Variants in SLAIN2 observed in about 807,000 individuals in gnomAD.
SLAIN2 encodes the protein SLAIN family member 2.
SLAIN2 carries 31 observed loss-of-function variants against 56.6 expected under a neutral mutation model. That is an observed-to-expected ratio of 0.55 (90% CI 0.41 to 0.74). The LOEUF is 0.74. Ranked by LOEUF, SLAIN2 falls within the 30% of genes least tolerant of loss-of-function variation. The pLI is 0.00. For missense variants in SLAIN2, 777 were observed against 754.2 expected, an observed-to-expected ratio of 1.03 and a Z score of -0.35; for synonymous variants, 317 against 284.9, an observed-to-expected ratio of 1.11 and a Z score of -1.13.
chr4:48,374,050 A>G (rs141741314), intron 2 of SLAIN2, among the ~76,000 whole-genome samples: 28 of 152,204 alleles, frequency 1.8e-4, no homozygotes, highest in Non-Finnish European at 3.5e-4. Context: ...GAAAAAGGAG[A>G]TGGAGTAGAG....
chr4:48,416,975 C>T (rs1367588842), intron 6 of SLAIN2, among the ~76,000 whole-genome samples: 4 of 75,652 alleles, frequency 5.3e-5, no homozygotes, highest in African/African-American at 2.1e-4. Flanking sequence ...CATTCAAAAG[C>T]TAGCAGAAGG....
intron 3 of SLAIN2, among the ~76,000 whole-genome samples, chr4:48,379,324 A>G (rs1001148477): frequency 7.2e-5 from 11 of 152,190 alleles, no homozygotes; most frequent in Non-Finnish European, 1.6e-4. Flanking sequence ...AAAACACTAC[A>G]TCATAAACTC....
chr4:48,366,807 A>G (rs1715534066), intron 1 of SLAIN2, among the ~76,000 whole-genome samples: 1 of 147,412 alleles, frequency 6.8e-6, no homozygotes, highest in Non-Finnish European at 1.5e-5. Flanking sequence ...TAATAGGATA[A>G]TGAAGTAATG....
In SLAIN2 at chr4:48,342,135, G is replaced by T. The variant is rs1172619224; in HGVS notation, c.389+7G>T. 72 of 1,347,690 alleles carry T rather than the reference G, an allele frequency of 5.3e-5. No individual in the cohort carries two copies. Among genetic ancestry groups the T allele is most frequent in the Non-Finnish European group, 6.5e-5 (69 of 1,055,610 alleles). 83.5% of individuals were successfully genotyped at this position (1,347,690 alleles called of 1,614,324 possible). On this transcript the variant is annotated splice_region_variant and intron_variant, in intron 1 of 7. Transcript: ENST00000264313. The stretch of plus-strand genomic sequence containing the variant: ...AGGAGGAGGAGGAGAGCTGGTGAGC[G>T]CGAGGCGCCGGGCAGGAGCTGGGCG...
In SLAIN2 at chr4:48,389,596, C is replaced by T. The variant is rs116508061; in HGVS notation, c.1360+5812C>T. 5.7e-3 allele frequency among the ~76,000 whole-genome samples: 864 copies of T among 152,306 alleles called. 5 individuals are homozygous for T. The highest frequency in any genetic ancestry group is 7.8e-3 in the Non-Finnish European group (529 of 68,034). Reference sequence around the variant, plus strand: ...AAATTCAGCAGTGTGAAGGGATTTTCAGGAAAGATATTAAAAGATATCTCA... The same window carrying T: ...AAATTCAGCAGTGTGAAGGGATTTTTAGGAAAGATATTAAAAGATATCTCA... On this transcript the variant is annotated intron_variant, in intron 6 of 7. Coordinates refer to ENST00000264313, the MANE Select transcript of SLAIN2 (RefSeq NM_020846.2).
rs1055564892 is a variant in SLAIN2 at position 48,422,474 on chromosome 4, A to G, written c.*397A>G. 1 of 174,664 alleles carries G rather than the reference A, an allele frequency of 5.7e-6. No individual in the cohort carries two copies. The highest frequency in any genetic ancestry group is 2.4e-5 in the African/African-American group (1 of 41,896). 10.8% of individuals were successfully genotyped at this position (174,664 alleles called of 1,614,324 possible). ...GAATTCAGGCTATCCAAAACTTCACATTCAACCTAATTTACTGTATAAATA... is the reference window on the plus strand; with the variant it reads ...GAATTCAGGCTATCCAAAACTTCACGTTCAACCTAATTTACTGTATAAATA... On this transcript the variant is annotated 3_prime_UTR_variant, in exon 8 of 8. Transcript: ENST00000264313.
At chr4:48,359,174 G>C (rs902688692) in intron 1 of SLAIN2, among the ~76,000 whole-genome samples, 1 of 152,004 alleles carries the variant, frequency 6.6e-6, no homozygotes, top group Non-Finnish European at 1.5e-5. Flanking sequence ...TGTGAATTCA[G>C]ATCCAAATAT....
At chr4:48,371,023 T>A (rs1224516895) in intron 2 of SLAIN2, among the ~76,000 whole-genome samples, 1 of 152,196 alleles carries the variant, frequency 6.6e-6, no homozygotes, top group Non-Finnish European at 1.5e-5. Flanking sequence ...ACAGAGGTTC[T>A]GAATCTGGGT....
intron 6 of SLAIN2, among the ~76,000 whole-genome samples, chr4:48,411,036 C>A (rs147226529): frequency 6.6e-6 from 1 of 152,188 alleles, no homozygotes; most frequent in Non-Finnish European, 1.5e-5. Flanking sequence ...GACCCCTGAC[C>A]GTGAATACTT....
At position 48,365,075 on chromosome 4, in the gene SLAIN2, A is replaced by G. The variant is rs114694224; in HGVS notation, c.390-4774A>G. 3.8e-3 allele frequency among the ~76,000 whole-genome samples: 575 copies of G among 152,108 alleles called. 5 individuals carry two copies. Among genetic ancestry groups the G allele is most frequent in the African/African-American group, 0.013 (533 of 41,474 alleles). On this transcript the variant is annotated intron_variant, in intron 1 of 7. Coordinates refer to ENST00000264313, the MANE Select transcript of SLAIN2 (RefSeq NM_020846.2). ...ATTCGCTTATATTCCTTTTAATCAC[A>G]GTAGTGTTTGTGGTGATGTCCTCTC...
rs761177087 is a variant in SLAIN2 at position 48,370,017 on chromosome 4, T to A, written c.538+20T>A. 1 of 1,607,404 alleles carries A rather than the reference T, an allele frequency of 6.2e-7. No homozygotes were observed. The highest frequency in any genetic ancestry group is 2.2e-5 in the East Asian group (1 of 44,770). On this transcript the variant is annotated intron_variant, in intron 2 of 7. Transcript: ENST00000264313. ...TGTCAGGTATGTCTATAATTTTGCT[T>A]GTAAATTCATCTCTTTGCTTTCTTT... is the stretch of plus-strand genomic sequence containing the variant.
chr4:48,418,953 A>G (rs750346417), intron 6 of SLAIN2, among the ~76,000 whole-genome samples: 6 of 151,886 alleles, frequency 4.0e-5, no homozygotes, highest in East Asian at 1.9e-4. Context: ...TCAGTAGTTT[A>G]CTCCTTTTTA....
At chr4:48,421,247 T>A (rs1237764159) in intron 7 of SLAIN2, among the ~76,000 whole-genome samples, 1 of 152,164 alleles carries the variant, frequency 6.6e-6, no homozygotes, top group Non-Finnish European at 1.5e-5. Context: ...GTTCAAGTGA[T>A]CTGCTTGCCT....
intron 1 of SLAIN2, among the ~76,000 whole-genome samples, chr4:48,345,627 G>C (rs1370201167): frequency 2.0e-5 from 3 of 151,010 alleles, no homozygotes; most frequent in Non-Finnish European, 4.4e-5. Flanking sequence ...TCCTAACCTA[G>C]TTTTTGTGTA....
At chr4:48,368,424 A>T (rs79753664) in intron 1 of SLAIN2, among the ~76,000 whole-genome samples, 1 of 152,326 alleles carries the variant, frequency 6.6e-6, no homozygotes, top group African/African-American at 2.4e-5. Flanking sequence ...TATGTAGTAC[A>T]TGTGAGCCAT....
rs748524671 is a variant in SLAIN2, at chr4:48,382,693, A to C, written c.988A>C (p.Asn330His). The C allele has an allele frequency of 1.2e-6, 2 of 1,613,916 alleles. No homozygotes were observed. The highest frequency in any genetic ancestry group is 3.3e-5 in the Admixed American group (2 of 60,000). ...ACAAAGTTTAGATGATGAAGATGACAATATGCATCATGCAGTATACCCTGC... is the reference window on the plus strand; with the variant it reads ...ACAAAGTTTAGATGATGAAGATGACCATATGCATCATGCAGTATACCCTGC... ...DAQSLDDEDD[N>H]MHHAVYPAVN... is the part of the protein sequence containing the mutation. The change falls in exon 5 of 8, where the codon AAT becomes CAT. Residue 330 changes from asparagine to histidine, a missense_variant. Asn to His is a moderately conservative substitution (Grantham distance 68, BLOSUM62 1). Coordinates refer to ENST00000264313, the MANE Select transcript of SLAIN2 (RefSeq NM_020846.2).
At chr4:48,374,851 C>T (rs951942445) in intron 2 of SLAIN2, among the ~76,000 whole-genome samples, 2 of 152,066 alleles carry the variant, frequency 1.3e-5, no homozygotes, top group Non-Finnish European at 2.9e-5. Flanking sequence ...CCAGCTTCTG[C>T]GACAAGATGA....
rs111772195 is a variant in SLAIN2, at chr4:48,397,362, T to C, written c.1360+13578T>C. Among the ~76,000 whole-genome samples, 816 of 152,202 alleles carry C rather than the reference T, an allele frequency of 5.4e-3. 10 individuals are homozygous for C. The highest frequency in any genetic ancestry group is 0.019 in the African/African-American group (769 of 41,542). The stretch of plus-strand genomic sequence containing the variant: ...CTGTATTTAGAAGGAAAGAGGCAAC[T>C]AAGAAGGAAATACAGAAGGAAAGAG... On this transcript the variant is annotated intron_variant, in intron 6 of 7. Transcript: ENST00000264313.
In SLAIN2 at chr4:48,341,712, C is replaced by CGGA. The variant is rs1560446485; in HGVS notation, c.-25_-23dup. 3.7e-5 allele frequency: 56 copies of CGGA among 1,521,568 alleles called. No individual in the cohort carries two copies. The highest frequency in any genetic ancestry group is 4.4e-5 in the Non-Finnish European group (50 of 1,134,068). The allele number at this position is 1,521,568 out of a possible 1,614,324, so 94.3% of individuals were successfully genotyped here. A position where few individuals can be genotyped will look rare whatever the true frequency, so the allele number is the denominator to read the frequency against. ...TGTCGCTGCGAGAGCGAGCGGGCGG[C>CGGA]GGAGGCGGCGGCGGCGGCGGGGCCG... On this transcript the variant is annotated 5_prime_UTR_variant, in exon 1 of 8. Coordinates refer to ENST00000264313, the MANE Select transcript of SLAIN2 (RefSeq NM_020846.2).
Sources: allele counts gnomAD v4.1 joint callset (sites outside exome capture counted in the v4.1 genomes callset), GRCh38; gene constraint gnomAD v4.1.1; transcripts MANE v1.5; gene names NCBI Gene and HGNC (gene_info 2026-07-23, HGNC 2026-07-21).